The following LRP1B variants were observed in gnomAD, a reference collection of about 807,000 sequenced individuals.
LRP1B encodes low-density lipoprotein receptor-related protein 1B.
A neutral mutation model predicts 556.6 loss-of-function variants in LRP1B; 217 were observed. The ratio of observed to expected loss-of-function variants is 0.39; its 90% CI spans 0.35 to 0.44. The LOEUF is 0.44. LRP1B is among the 20% of genes least tolerant of loss of function. The pLI is 1.00. For synonymous variants in LRP1B, 2,047 were observed against 1,865.8 expected, an observed-to-expected ratio of 1.10 and a Z score of -2.50; for missense variants, 5,053 against 5,620.8, an observed-to-expected ratio of 0.90 and a Z score of 3.23.
intron 23 of LRP1B, among the ~76,000 whole-genome samples, chr2:140,895,560 C>T (rs1422456942): frequency 3.3e-5 from 5 of 152,158 alleles, no homozygotes; most frequent in East Asian, 1.9e-4. Flanking sequence ...GGCATGTTAC[C>T]GTGCGCTCTT....
At chr2:141,453,909 T>C (rs1279397376) in intron 3 of LRP1B, among the ~76,000 whole-genome samples, 3 of 143,294 alleles carry the variant, frequency 2.1e-5, no homozygotes, top group Non-Finnish European at 4.6e-5. Flanking sequence ...TGAGACTCTG[T>C]CTCAAAAAAA....
intron 2 of LRP1B, among the ~76,000 whole-genome samples, chr2:141,760,822 T>C (rs1694517220): frequency 6.6e-6 from 1 of 152,230 alleles, no homozygotes; most frequent in Non-Finnish European, 1.5e-5. Flanking sequence ...TAGAGTCACT[T>C]GTAACATGGT....
At chr2:141,246,786 G>C (rs1431063244) in intron 5 of LRP1B, among the ~76,000 whole-genome samples, 1 of 152,142 alleles carries the variant, frequency 6.6e-6, no homozygotes, top group Non-Finnish European at 1.5e-5. Context: ...CCAACATGGT[G>C]AGACCCTGTC....
chr2:140,468,432 C>T (rs1687635229), intron 60 of LRP1B, among the ~76,000 whole-genome samples: 1 of 152,102 alleles, frequency 6.6e-6, no homozygotes, highest in Admixed American at 6.5e-5. Context: ...TAGGGCAATG[C>T]ATAATGGAGC....
At chr2:142,010,554 CAAAAAAAAAAAAAA>C (rs33927334) in intron 1 of LRP1B, among the ~76,000 whole-genome samples, 3 of 60,248 alleles carry the variant, frequency 5.0e-5, no homozygotes, top group African/African-American at 1.3e-4. Context: ...GATTCTGTCT[CAAAAAAAAAAAAAA>C]AAAAAAAAAA....
intron 59 of LRP1B, among the ~76,000 whole-genome samples, chr2:140,477,079 T>A (rs1428855044): frequency 6.6e-6 from 1 of 152,028 alleles, no homozygotes; most frequent in Admixed American, 6.6e-5. Flanking sequence ...TACTTTCCAA[T>A]AAATTTATGG....
chr2:141,778,873 T>C (rs990220939), intron 2 of LRP1B, among the ~76,000 whole-genome samples: 1 of 152,200 alleles, frequency 6.6e-6, no homozygotes. Context: ...ATGCTTTCGC[T>C]GTTTAATGCT....
chr2:142,039,514 C>G (rs187618101), intron 1 of LRP1B, among the ~76,000 whole-genome samples: 9 of 151,562 alleles, frequency 5.9e-5, no homozygotes, highest in Admixed American at 5.9e-4. Context: ...ATGATGGTCA[C>G]TTTATAATGC....
At chr2:142,021,677 AC>A (rs1703335623) in intron 1 of LRP1B, among the ~76,000 whole-genome samples, 1 of 152,156 alleles carries the variant, frequency 6.6e-6, no homozygotes, top group Non-Finnish European at 1.5e-5. Flanking sequence ...GATATAATTT[AC>A]CCATAAAAAT....
chr2:142,022,818 G>A (rs914256485), intron 1 of LRP1B, among the ~76,000 whole-genome samples: 2 of 152,022 alleles, frequency 1.3e-5, no homozygotes, highest in Admixed American at 6.6e-5. Context: ...TTACAGGTGC[G>A]TGCCATCACG....
At chr2:140,801,199 C>G (rs920556304) in intron 32 of LRP1B, among the ~76,000 whole-genome samples, 16 of 152,090 alleles carry the variant, frequency 1.1e-4, no homozygotes, top group Non-Finnish European at 7.4e-5. Context: ...CCTGTTCGTA[C>G]ATGATTATTT....
At chr2:140,786,216 T>C (rs1415007144) in intron 32 of LRP1B, among the ~76,000 whole-genome samples, 2 of 152,226 alleles carry the variant, frequency 1.3e-5, no homozygotes, top group Non-Finnish European at 2.9e-5. Context: ...GTTCCAGGAA[T>C]ATTGAATTGC....
intron 1 of LRP1B, among the ~76,000 whole-genome samples, chr2:141,909,164 A>G (rs1020339956): frequency 6.6e-6 from 1 of 152,062 alleles, no homozygotes; most frequent in African/African-American, 2.4e-5. Context: ...CTTACAGAAG[A>G]AGGACTTGTT....
At chr2:140,549,269 G>A (rs748895577) in intron 43 of LRP1B, among the ~76,000 whole-genome samples, 10 of 151,756 alleles carry the variant, frequency 6.6e-5, no homozygotes, top group Admixed American at 2.0e-4. Flanking sequence ...ACTCACTTTG[G>A]GTAGCTGAGA....
At chr2:141,617,178 A>G (rs938135647) in intron 2 of LRP1B, among the ~76,000 whole-genome samples, 17 of 152,180 alleles carry the variant, frequency 1.1e-4, no homozygotes, top group African/African-American at 3.9e-4. Flanking sequence ...TCGTAAAGGC[A>G]AGAACTGTGT....
At chr2:141,441,532 A>G (rs1421948102) in intron 3 of LRP1B, among the ~76,000 whole-genome samples, 2 of 152,204 alleles carry the variant, frequency 1.3e-5, no homozygotes, top group Non-Finnish European at 2.9e-5. Flanking sequence ...TTTTTGTTTT[A>G]TACTTTAAGA....
chr2:141,770,763 C>G (rs139763164), intron 2 of LRP1B, among the ~76,000 whole-genome samples: 1 of 152,136 alleles, frequency 6.6e-6, no homozygotes, highest in East Asian at 1.9e-4. Flanking sequence ...TAGAAGAGGT[C>G]GGTGAGGGAG....
intron 6 of LRP1B, among the ~76,000 whole-genome samples, chr2:141,222,516 C>T (rs1025982237): frequency 1.2e-4 from 18 of 152,164 alleles, no homozygotes; most frequent in African/African-American, 4.1e-4. Flanking sequence ...GGACTCCTCC[C>T]TAACTCATTT....
chr2:142,016,094 T>C (rs1465742147), intron 1 of LRP1B, among the ~76,000 whole-genome samples: 1 of 150,292 alleles, frequency 6.7e-6, no homozygotes, highest in Admixed American at 6.6e-5. Context: ...TCATCATCAC[T>C]GGTCATTAGA....
Sources: allele counts gnomAD v4.1 joint callset (sites outside exome capture counted in the v4.1 genomes callset), GRCh38; gene constraint gnomAD v4.1.1; transcripts MANE v1.5; gene names NCBI Gene and HGNC (gene_info 2026-07-23, HGNC 2026-07-21).